The following LIMS2 variants were observed in gnomAD, a reference collection of about 807,000 sequenced individuals.
LIMS2 encodes LIM and senescent cell antigen-like-containing domain protein 2.
A neutral mutation model predicts 45.3 loss-of-function variants in LIMS2; 30 were observed. The observed-to-expected ratio is 0.66, with a 90% CI of 0.50 to 0.90. LIMS2 has a LOEUF of 0.90. Ranked by LOEUF, LIMS2 falls within the 40% of genes least tolerant of loss-of-function variation. The pLI is 0.00. For missense variants in LIMS2, 485 were observed against 468.7 expected (o/e 1.03, Z -0.32); for synonymous variants, 173 against 188.0 (o/e 0.92, Z 0.65).
intron 1 of LIMS2, among the ~76,000 whole-genome samples, chr2:127,665,902 C>T (rs988845748): frequency 6.6e-6 from 1 of 152,194 alleles, no homozygotes; most frequent in Non-Finnish European, 1.5e-5. Flanking sequence ...TTTTGTGCAA[C>T]ATAATCTGTA....
chr2:127,650,834 G>C (rs1159027724), intron 4 of LIMS2: 2 of 1,614,090 alleles, frequency 1.2e-6, no homozygotes, highest in Non-Finnish European at 1.7e-6. Context: ...AGAACATGCT[G>C]TTCGCCTCCT....
chr2:127,679,632 T>A (rs1296822038), upstream of LIMS2, among the ~76,000 whole-genome samples: 2 of 152,022 alleles, frequency 1.3e-5, no homozygotes, highest in African/African-American at 4.8e-5. This position sits in a 1 kb window ranked among gnomAD's most constrained non-coding sequence, Gnocchi z 5.3. Context: ...CCTTCCCTAC[T>A]CCAGGGGACA....
Position 127,640,931 on chromosome 2 carries a change from T to C in LIMS2, c.718A>G (p.Lys240Glu). Residue 240 changes from lysine (K) to glutamate (E), a missense_variant, in exon 7 of 10, where the codon AAG becomes GAG. Coordinates refer to ENST00000355119, the MANE Select transcript of LIMS2 (RefSeq NM_001161403.3). ...PFLGHRHYEKKGLAYCETHYN... is the reference protein window; with the variant it reads ...PFLGHRHYEKEGLAYCETHYN... Reference sequence around the variant, plus strand: ...TGAGTCTCGCAGTAGGCCAGGCCCTTCTTCTCATAGTGCCGGTGCCCCAGG... The same window carrying C: ...TGAGTCTCGCAGTAGGCCAGGCCCTCCTTCTCATAGTGCCGGTGCCCCAGG... The C allele has an allele frequency of 6.2e-7, 1 of 1,613,868 alleles. No homozygotes were observed. Among genetic ancestry groups the C allele is most frequent in the Admixed American group, 1.7e-5 (1 of 60,014 alleles).
At chr2:127,651,296 G>C in intron 4 of LIMS2, 1 of 1,608,580 alleles carries the variant, frequency 6.2e-7, no homozygotes. Flanking sequence ...TGTACCGGGA[G>C]AAGGCCTCCC....
chr2:127,644,175 C>T (rs1156800055), intron 4 of LIMS2: 12 of 449,150 alleles, frequency 2.7e-5, no homozygotes, highest in Admixed American at 2.6e-4. Context: ...CAAACAAAGG[C>T]CCAGCAGTCA....
rs747771950 is a variant in LIMS2, at chr2:127,657,446, C to G, written c.128G>C (p.Cys43Ser). 1 of 1,613,886 alleles carries G rather than the reference C, an allele frequency of 6.2e-7. No homozygotes were observed. The highest frequency in any genetic ancestry group is 8.5e-7 in the Non-Finnish European group (1 of 1,180,010). The change falls in exon 2 of 10, where the codon TGT becomes TCT. Residue 43 changes from cysteine to serine, a missense_variant. Coordinates refer to ENST00000355119, the MANE Select transcript of LIMS2 (RefSeq NM_001161403.3). ...GELYHEHCFV[C>S]AQCFRPFPEG... ...GGGGAAGGGCCGGAAGCACTGGGCA[C>G]ACACGAAGCAGTGCTCATGGTACAG...
chr2:127,650,486 G>A, intron 4 of LIMS2: 1 of 566,620 alleles, frequency 1.8e-6, no homozygotes, highest in Non-Finnish European at 3.1e-6. Flanking sequence ...CTGCATAGCG[G>A]CGAAATTCCA....
chr2:127,645,568 C>T (rs1005897715), intron 4 of LIMS2, among the ~76,000 whole-genome samples: 1 of 152,220 alleles, frequency 6.6e-6, no homozygotes, highest in African/African-American at 2.4e-5. Flanking sequence ...CGCATCCTCA[C>T]GGACAGGACA....
intron 1 of LIMS2, among the ~76,000 whole-genome samples, chr2:127,659,708 C>T (rs1304663687): frequency 6.6e-6 from 1 of 152,226 alleles, no homozygotes; most frequent in Non-Finnish European, 1.5e-5. Context: ...AAAACGAAGC[C>T]AAATTAAGGA....
Position 127,642,736 on chromosome 2 carries a change from G to C in LIMS2, c.509+187C>G. 1 of 644,432 alleles carries C rather than the reference G, an allele frequency of 1.6e-6. No individual in the cohort carries two copies. The highest frequency in any genetic ancestry group is 2.6e-6 in the Non-Finnish European group (1 of 381,742). 39.9% of individuals were successfully genotyped at this position (644,432 alleles called of 1,614,324 possible). ...AGAGCCCTGGAGAGAGAAGCTTCCT[G>C]CCATGGCTGCTTCCCAGCCCCCAGC... On this transcript the variant is annotated intron_variant, in intron 5 of 9. Coordinates refer to ENST00000355119, the MANE Select transcript of LIMS2 (RefSeq NM_001161403.3). This position sits in a 1 kb window ranked among gnomAD's most constrained non-coding sequence, Gnocchi z 5.3.
chr2:127,640,667 C>A, intron 7 of LIMS2: 1 of 597,848 alleles, frequency 1.7e-6, no homozygotes, highest in Non-Finnish European at 3.0e-6. Context: ...GCCCCATGTG[C>A]CCGGGACCTC....
At chr2:127,641,657 C>T (rs997234978) in intron 6 of LIMS2, 3 of 169,192 alleles carry the variant, frequency 1.8e-5, no homozygotes. Flanking sequence ...CCAGGTGACC[C>T]AGTGCTCACA....
chr2:127,643,455 C>A (rs1431380040), intron 4 of LIMS2: 1 of 457,948 alleles, frequency 2.2e-6, no homozygotes, highest in Non-Finnish European at 4.4e-6. Context: ...TCACTGTGCC[C>A]AGCAGAGTGG....
chr2:127,663,164 A>G (rs1684788922), intron 1 of LIMS2, among the ~76,000 whole-genome samples: 2 of 152,194 alleles, frequency 1.3e-5, no homozygotes, highest in African/African-American at 2.4e-5. Context: ...CCTTGGGGCC[A>G]TCAGTGCCCT....
At chr2:127,679,603 C>A (rs1025556882), upstream of LIMS2, among the ~76,000 whole-genome samples, 1 of 151,460 alleles carries the variant, frequency 6.6e-6, no homozygotes, top group South Asian at 2.1e-4. This position sits in a 1 kb window ranked among gnomAD's most constrained non-coding sequence, Gnocchi z 5.3. Context: ...ACCCGAGTTT[C>A]TCCACCCCCC....
chr2:127,660,586 A>T (rs186045251), intron 1 of LIMS2, among the ~76,000 whole-genome samples: 1 of 152,270 alleles, frequency 6.6e-6, no homozygotes, highest in African/African-American at 2.4e-5. Flanking sequence ...TAAGACCACA[A>T]CCCCACCGGA....
chr2:127,649,988 A>ATTTTT, intron 4 of LIMS2: 1 of 1,597,442 alleles, frequency 6.3e-7, no homozygotes, highest in Non-Finnish European at 8.6e-7. Context: ...CTTCTCCTAA[A>ATTTTT]CACAGGTCTC....
intron 2 of LIMS2, among the ~76,000 whole-genome samples, chr2:127,656,686 A>G (rs558232770): frequency 2.2e-4 from 34 of 152,114 alleles, no homozygotes; most frequent in Non-Finnish European, 4.7e-4. Flanking sequence ...AAGTGCTGGG[A>G]TTACAGGCGT....
At chr2:127,646,581 T>A (rs1683009237) in intron 4 of LIMS2, 1 of 152,310 alleles carries the variant, frequency 6.6e-6, no homozygotes, top group Admixed American at 6.5e-5. Flanking sequence ...GGAGTGGCGC[T>A]AATGCAAAGG....
Sources: allele counts gnomAD v4.1 joint callset (sites outside exome capture counted in the v4.1 genomes callset), GRCh38; gene constraint gnomAD v4.1.1; non-coding constraint Gnocchi (gnomAD v3.1); transcripts MANE v1.5; gene names NCBI Gene and HGNC (gene_info 2026-07-23, HGNC 2026-07-21).